Variants in AGAP1 observed in about 807,000 individuals in gnomAD.
AGAP1 encodes the protein ArfGAP with GTPase domain, ankyrin repeat and PH domain 1.
A neutral mutation model predicts 105.3 loss-of-function variants in AGAP1; 29 were observed. The observed-to-expected ratio is 0.28, with a 90% CI of 0.21 to 0.38. The LOEUF (loss-of-function observed/expected upper bound fraction) is 0.38, where lower values mean the gene tolerates loss of function less well. Ranked by LOEUF, AGAP1 falls within the 10% of genes least tolerant of loss-of-function variation. The pLI is 1.00. For missense variants in AGAP1, 998 were observed against 1,165.1 expected (o/e 0.86, Z 2.09); for synonymous variants, 509 against 485.9 (o/e 1.05, Z -0.63).
intron 9 of AGAP1, among the ~76,000 whole-genome samples, chr2:235,828,758 C>T (rs748285511): frequency 6.6e-6 from 1 of 152,142 alleles, no homozygotes. Flanking sequence ...ACATGTTGCT[C>T]GGATGTCATG....
At chr2:236,084,677 CA>C (rs1435879127) in intron 16 of AGAP1, among the ~76,000 whole-genome samples, 1 of 149,856 alleles carries the variant, frequency 6.7e-6, no homozygotes, top group Non-Finnish European at 1.5e-5. Flanking sequence ...CTGAAGCAGG[CA>C]GATCATTTGA....
rs528648442 is a variant in AGAP1 at position 235,705,212 on chromosome 2, C to G, written c.164-3967C>G. Among the ~76,000 whole-genome samples the G allele has an allele frequency of 3.9e-5, 6 of 152,212 alleles. No homozygotes were observed. The South Asian group carries it at 1.2e-3, about 32-fold the overall frequency. On this transcript the variant is annotated intron_variant, in intron 1 of 17. Coordinates refer to ENST00000304032, the MANE Select transcript of AGAP1 (RefSeq NM_001037131.3). The surrounding 1 kb of genome is among the most constrained non-coding windows in gnomAD (Gnocchi z 4.9). Reference sequence around the variant, plus strand: ...CAGGCTGGTCTTGAACTCCTGACCTCAGGTGATCTGCGCGCCTCGGCCTCC... The same window carrying G: ...CAGGCTGGTCTTGAACTCCTGACCTGAGGTGATCTGCGCGCCTCGGCCTCC...
rs58097220 is a variant in AGAP1 at position 235,995,065 on chromosome 2, C to CAA, written c.1645+26470_1645+26471dup. Among the ~76,000 whole-genome samples the CAA allele has an allele frequency of 1.5e-3, 93 of 60,962 alleles. 9 individuals are homozygous for CAA. The highest frequency in any genetic ancestry group is 2.0e-3 in the Admixed American group (7 of 3,518). 40.0% of individuals were successfully genotyped at this position (60,962 alleles called of 152,430 possible). The stretch of plus-strand genomic sequence containing the variant: ...AGGGAGACAGTACAAGACTCTGTCT[C>CAA]AAAAAAAAAAAAAAAAAAAAAAAAA... On this transcript the variant is annotated intron_variant, in intron 13 of 17. Transcript: ENST00000304032.
At chr2:235,703,684 C>T (rs1316775308) in intron 1 of AGAP1, among the ~76,000 whole-genome samples, 1 of 151,826 alleles carries the variant, frequency 6.6e-6, no homozygotes, top group Non-Finnish European at 1.5e-5. Flanking sequence ...CCACAACCTC[C>T]GCCTCCTGGG....
chr2:235,575,074 G>A (rs1425159217), intron 1 of AGAP1, among the ~76,000 whole-genome samples: 2 of 152,056 alleles, frequency 1.3e-5, no homozygotes, highest in African/African-American at 2.4e-5. Context: ...AGTGAGCCAC[G>A]ATCGTACCAC....
intron 9 of AGAP1, among the ~76,000 whole-genome samples, chr2:235,846,344 G>A (rs1961487631): frequency 6.6e-6 from 1 of 152,042 alleles, no homozygotes. Flanking sequence ...TTTATTTATT[G>A]ACAGAATCTC....
chr2:236,000,864 A>T lies in AGAP1; in HGVS notation c.1645+32241A>T, dbSNP rs1576020431. Among the ~76,000 whole-genome samples, 1 of 152,184 alleles carries T rather than the reference A, an allele frequency of 6.6e-6. No individual in the cohort carries two copies. Among genetic ancestry groups the T allele is most frequent in the Admixed American group, 6.5e-5 (1 of 15,284 alleles). ...GTCTTCCAGGCACAGAGAGTGGCTG[A>T]TGAGAAAGGGCCTGTGTGGAAGGAA... On this transcript the variant is annotated intron_variant, in intron 13 of 17. Coordinates refer to ENST00000304032, the MANE Select transcript of AGAP1 (RefSeq NM_001037131.3). The surrounding 1 kb of genome is among the most constrained non-coding windows in gnomAD (Gnocchi z 4.3).
rs2125293280 is a variant in AGAP1 at position 235,957,041 on chromosome 2, T to C, written c.1484-11421T>C. Among the ~76,000 whole-genome samples, 1 of 152,322 alleles carries C rather than the reference T, an allele frequency of 6.6e-6. No homozygotes were observed. The highest frequency in any genetic ancestry group is 3.4e-3 in the Middle Eastern group (1 of 294). ...AAAATCACATAACACACTTCTCCCA[T>C]TTAACAGGTGCAATGCAGTAGTTTT... is the stretch of plus-strand genomic sequence containing the variant. On this transcript the variant is annotated intron_variant, in intron 12 of 17. Transcript: ENST00000304032. This position sits in a 1 kb window ranked among gnomAD's most constrained non-coding sequence, Gnocchi z 4.6.
At chr2:235,811,676 A>G (rs1424018936) in intron 9 of AGAP1, among the ~76,000 whole-genome samples, 1 of 152,112 alleles carries the variant, frequency 6.6e-6, no homozygotes, top group Admixed American at 6.5e-5. Flanking sequence ...CATGCTCTGT[A>G]CCTCAGGCCA....
intron 8 of AGAP1, among the ~76,000 whole-genome samples, chr2:235,804,068 C>T (rs886323645): frequency 2.0e-5 from 3 of 152,212 alleles, no homozygotes; most frequent in Non-Finnish European, 2.9e-5. Context: ...TTTTCTGCTA[C>T]GCTGCTACTG....
At chr2:235,940,549 G>A (rs532771918) in intron 12 of AGAP1, among the ~76,000 whole-genome samples, 4 of 152,308 alleles carry the variant, frequency 2.6e-5, no homozygotes, top group Admixed American at 6.5e-5. Flanking sequence ...CCGCCCAGAC[G>A]TCAGCTCCAG....
At chr2:235,519,134 A>G (rs1878389) in intron 1 of AGAP1, among the ~76,000 whole-genome samples, 69,036 of 152,054 alleles carry the variant, frequency 0.45, 16,655 homozygotes, top group Admixed American at 0.57. Flanking sequence ...GTACAGTGCC[A>G]CAATCGTAGC....
At chr2:235,917,342 T>TC (rs1413387522) in intron 11 of AGAP1, among the ~76,000 whole-genome samples, 1 of 152,076 alleles carries the variant, frequency 6.6e-6, no homozygotes, top group Non-Finnish European at 1.5e-5. Flanking sequence ...ACTTCAGCAA[T>TC]CAGGACATCC....
chr2:235,902,880 G>T (rs1057151973), intron 10 of AGAP1, among the ~76,000 whole-genome samples: 1 of 152,130 alleles, frequency 6.6e-6, no homozygotes, highest in Non-Finnish European at 1.5e-5. Flanking sequence ...TTTAAAAATC[G>T]GTAGCACTTC....
rs1559220955 is a variant in AGAP1, at chr2:236,044,121, G to C, written c.1891+3280G>C. 0.011 allele frequency among the ~76,000 whole-genome samples: 1,655 copies of C among 152,166 alleles called. 11 individuals carry two copies. Among genetic ancestry groups the C allele is most frequent in the Non-Finnish European group, 0.016 (1,092 of 67,986 alleles). On this transcript the variant is annotated intron_variant, in intron 15 of 17. Transcript: ENST00000304032. The surrounding 1 kb of genome is among the most constrained non-coding windows in gnomAD (Gnocchi z 5.7). ...CTATAAAGGGATTCTGAGAGCCAGT[G>C]AATTTGGGAAACTCTTAACAACGTC...
At chr2:235,766,813 C>T (rs1954991570) in intron 6 of AGAP1, among the ~76,000 whole-genome samples, 3 of 151,954 alleles carry the variant, frequency 2.0e-5, no homozygotes, top group Admixed American at 1.3e-4. Context: ...AAGATCTCGG[C>T]TCACTGCTAC....
chr2:235,652,341 A>AC (rs1188590677), intron 1 of AGAP1, among the ~76,000 whole-genome samples: 3 of 149,944 alleles, frequency 2.0e-5, no homozygotes, highest in African/African-American at 4.9e-5. Flanking sequence ...GACCCCCCCT[A>AC]CCCCCCAGGC....
rs1344742241 is a variant in AGAP1 at position 235,999,191 on chromosome 2, A to T, written c.1645+30568A>T. On this transcript the variant is annotated intron_variant, in intron 13 of 17. Coordinates refer to ENST00000304032, the MANE Select transcript of AGAP1 (RefSeq NM_001037131.3). ...GATGATGATAATGGTGATGGTGATG[A>T]TGGCAGTGTGATGACCAATATGGTA... is the stretch of plus-strand genomic sequence containing the variant. Among the ~76,000 whole-genome samples the T allele has an allele frequency of 6.5e-3, 915 of 140,298 alleles. 5 individuals carry two copies. Among genetic ancestry groups the T allele is most frequent in the Non-Finnish European group, 0.011 (694 of 64,884 alleles). The allele number at this position is 140,298 out of a possible 152,430, so 92.0% of individuals were successfully genotyped here.
In AGAP1 at chr2:235,882,464, G is replaced by A. The variant is rs1191326327; in HGVS notation, c.1051-881G>A. ...TCAGCTTGGCCCTATTGAAGCTGGCGATTCCCCCCACGTCTGGTTTGTCTG... is the reference window on the plus strand; with the variant it reads ...TCAGCTTGGCCCTATTGAAGCTGGCAATTCCCCCCACGTCTGGTTTGTCTG... On this transcript the variant is annotated intron_variant, in intron 9 of 17. Transcript: ENST00000304032. This position sits in a 1 kb window ranked among gnomAD's most constrained non-coding sequence, Gnocchi z 4.6. 1.6e-5 allele frequency: 25 copies of A among 1,577,224 alleles called. No individual in the cohort carries two copies. The highest frequency in any genetic ancestry group is 2.7e-5 in the African/African-American group (2 of 73,908).
Sources: gnomAD v4.1 joint callset for allele counts (sites outside exome capture counted in the v4.1 genomes callset) on GRCh38, gnomAD v4.1.1 for gene constraint, Gnocchi (gnomAD v3.1) non-coding constraint, MANE v1.5 for transcripts, NCBI Gene and HGNC (gene_info 2026-07-23, HGNC 2026-07-21) for gene names.